The following PCNX2 variants were observed in gnomAD, a reference collection of about 807,000 sequenced individuals.
PCNX2 encodes pecanex-like protein 2.
In PCNX2, 168 loss-of-function variants were observed where a neutral mutation model predicts 223.8. That is an observed-to-expected ratio of 0.75 (90% CI 0.66 to 0.85). The LOEUF (loss-of-function observed/expected upper bound fraction) is 0.85. Among genes scored for constraint, PCNX2 ranks in the 40% least tolerant of loss-of-function variants. The pLI is 0.00. For missense variants in PCNX2, 2,507 were observed against 2,675.5 expected, an observed-to-expected ratio of 0.94 and a Z score of 1.39; for synonymous variants, 1,006 against 1,052.6, an observed-to-expected ratio of 0.96 and a Z score of 0.86.
At chr1:233,246,964 C>A (rs1002985147) in intron 8 of PCNX2, among the ~76,000 whole-genome samples, 4 of 152,194 alleles carry the variant, frequency 2.6e-5, no homozygotes, top group Non-Finnish European at 1.5e-5. Context: ...TGGGCTTCTG[C>A]AAAAGACAAA....
rs967255591 is a variant in PCNX2 at position 233,126,504 on chromosome 1, T to G, written c.3837+8509A>C. 1.4e-5 allele frequency among the ~76,000 whole-genome samples: 2 copies of G among 143,476 alleles called. No homozygotes were observed. The highest frequency in any genetic ancestry group is 3.1e-5 in the Non-Finnish European group (2 of 65,298). The allele number at this position is 143,476 out of a possible 152,430, so 94.1% of individuals were successfully genotyped here. A position where few individuals can be genotyped will look rare whatever the true frequency, so the allele number is the denominator to read the frequency against. On this transcript the variant is annotated intron_variant, in intron 21 of 33. Coordinates refer to ENST00000258229, the MANE Select transcript of PCNX2 (RefSeq NM_014801.4). This position sits in a 1 kb window ranked among gnomAD's most constrained non-coding sequence, Gnocchi z 4.8. ...CTATTGATATTTTAAATTTGTGTGG[T>G]GTGTGTGTGTGTTTGTGTGTGTGTG...
intron 19 of PCNX2, among the ~76,000 whole-genome samples, chr1:233,149,001 G>T (rs541118107): frequency 6.6e-6 from 1 of 152,190 alleles, no homozygotes; most frequent in Non-Finnish European, 1.5e-5. Flanking sequence ...GCAGCAGCAC[G>T]GCAAATGTGC....
In PCNX2 at chr1:233,252,698, C is replaced by A. The variant is rs1483514287; in HGVS notation, c.1925G>T (p.Ser642Ile). 6.2e-7 allele frequency: 1 copy of A among 1,613,920 alleles called. No homozygotes were observed. Among genetic ancestry groups the A allele is most frequent in the Admixed American group, 1.7e-5 (1 of 60,014 alleles). ...GGGGCCGGTGCTAGTATGGTCTTGACTTTGCAAATCTGGTTTTCCTTGCTT... is the reference window on the plus strand; with the variant it reads ...GGGGCCGGTGCTAGTATGGTCTTGAATTTGCAAATCTGGTTTTCCTTGCTT... ...SSKQGKPDLQ[S>I]QDHTSTGPAC... The change falls in exon 6 of 34, where the codon AGT becomes ATT. Residue 642 changes from serine to isoleucine, a missense_variant. Transcript: ENST00000258229.
intron 1 of PCNX2, among the ~76,000 whole-genome samples, chr1:233,263,438 G>A (rs368612388): frequency 4.0e-5 from 6 of 149,036 alleles, no homozygotes; most frequent in Middle Eastern, 3.5e-3. Context: ...AGATATATTC[G>A]AGGAAACCTC....
intron 23 of PCNX2, among the ~76,000 whole-genome samples, chr1:233,069,477 C>CAATCTT (rs2102900401): frequency 1.3e-5 from 2 of 152,210 alleles, no homozygotes; most frequent in South Asian, 4.2e-4. Flanking sequence ...ATGATCTCCA[C>CAATCTT]AAATTCTTAA....
chr1:233,296,168 A>G (rs1662110660), upstream of PCNX2, among the ~76,000 whole-genome samples: 1 of 151,990 alleles, frequency 6.6e-6, no homozygotes, highest in Non-Finnish European at 1.5e-5. Context: ...CCTGTCACAC[A>G]GCACTCAAAG....
intron 15 of PCNX2, among the ~76,000 whole-genome samples, chr1:233,188,507 G>A (rs1572043661): frequency 1.3e-5 from 2 of 151,990 alleles, no homozygotes; most frequent in African/African-American, 4.8e-5. Context: ...TCCCTTTTTA[G>A]GTCAGACCCA....
At chr1:233,156,043 C>G (rs537936578) in intron 19 of PCNX2, among the ~76,000 whole-genome samples, 2 of 152,320 alleles carry the variant, frequency 1.3e-5, no homozygotes, top group African/African-American at 4.8e-5. Context: ...CCATGACCAT[C>G]ATGATTCATC....
chr1:233,078,929 C>T (rs6424277), intron 23 of PCNX2, among the ~76,000 whole-genome samples: 58,292 of 152,008 alleles, frequency 0.38, 12,948 homozygotes, highest in African/African-American at 0.61. Flanking sequence ...GCAAGAGTTT[C>T]TTCATCCGTC....
chr1:233,131,025 G>A (rs144446288), intron 21 of PCNX2, among the ~76,000 whole-genome samples: 42 of 152,270 alleles, frequency 2.8e-4, no homozygotes, highest in Admixed American at 4.6e-4. Context: ...AAGGATTAGA[G>A]GCAACCAACT....
chr1:232,998,496 A>T, intron 31 of PCNX2, 58 bp from the exon 32 acceptor site: 2 of 1,559,426 alleles, frequency 1.3e-6, no homozygotes, highest in Non-Finnish European at 8.7e-7. Context: ...ATCCCCCTAA[A>T]TGCACCACCA....
intron 19 of PCNX2, among the ~76,000 whole-genome samples, chr1:233,159,201 A>G (rs1678314976): frequency 6.6e-6 from 1 of 152,138 alleles, no homozygotes; most frequent in Admixed American, 6.5e-5. Context: ...TCTCCACTGA[A>G]CAAGCCAGTT....
rs769099466 is a variant in PCNX2 at position 233,252,509 on chromosome 1, T to C, written c.1983-10A>G. On this transcript the variant is annotated splice_polypyrimidine_tract_variant and intron_variant, in intron 6 of 33. Transcript: ENST00000258229. ...TCTATTGCCCTGAAAACTTAACACA[T>C]ATAAAAGTTTCAAAAAAAATGATTA... 2.5e-5 allele frequency: 40 copies of C among 1,590,472 alleles called. No homozygotes were observed. The Middle Eastern group carries it at 4.7e-3, about 187-fold the overall frequency.
At chr1:233,071,071 C>G (rs996016963) in intron 23 of PCNX2, among the ~76,000 whole-genome samples, 11 of 152,130 alleles carry the variant, frequency 7.2e-5, no homozygotes, top group African/African-American at 2.7e-4. Flanking sequence ...TGAAAACCTA[C>G]AGCAACACTG....
At chr1:233,023,067 C>T (rs565028617) in intron 26 of PCNX2, among the ~76,000 whole-genome samples, 1 of 152,248 alleles carries the variant, frequency 6.6e-6, no homozygotes, top group East Asian at 1.9e-4. Flanking sequence ...CTGTCTAGAC[C>T]CACACTGCTG....
In PCNX2 at chr1:233,054,472, T is replaced by C. The variant is rs371045105; in HGVS notation, c.4147A>G (p.Asn1383Asp). ...TCATAAAAAATGGAATTGAGATTGT[T>C]GTCATCATTCCCTAAAGGCAGACAA... ...QIERDPGNDD[N>D]NLNSIFYEHL... The change falls in exon 25 of 34, where the codon AAC (asparagine) becomes GAC (aspartate). Residue 1383 changes from asparagine to aspartate, a missense_variant. By Grantham distance (23) the Asn-to-Asp change is conservative (BLOSUM62 1). Around this residue, in one of 3 missense-constraint regions of PCNX2, gnomAD observed 1,372 missense variants for 1,509.4 expected, o/e 0.91. Transcript: ENST00000258229. 4.4e-5 allele frequency: 71 copies of C among 1,612,500 alleles called. No individual in the cohort carries two copies. Among genetic ancestry groups the C allele is most frequent in the Non-Finnish European group, 5.8e-5 (68 of 1,178,860 alleles).
intron 13 of PCNX2, among the ~76,000 whole-genome samples, chr1:233,203,314 GT>G: frequency 6.6e-6 from 1 of 152,314 alleles, no homozygotes; most frequent in African/African-American, 2.4e-5. Flanking sequence ...TCACTCAGAG[GT>G]TTTTGCTCAA....
At chr1:233,214,487 G>A (rs921830539) in intron 12 of PCNX2, among the ~76,000 whole-genome samples, 2 of 152,110 alleles carry the variant, frequency 1.3e-5, no homozygotes, top group African/African-American at 2.4e-5. Context: ...GCAGATTACC[G>A]GGTGCTGTCC....
Position 233,252,786 on chromosome 1 carries a change from T to A in PCNX2, c.1837A>T (p.Asn613Tyr). The change falls in exon 6 of 34, where the codon AAC (asparagine) becomes TAC (tyrosine). Residue 613 changes from asparagine (N) to tyrosine (Y), a missense_variant and splice_region_variant. Around this residue, in one of 3 missense-constraint regions of PCNX2, gnomAD observed 1,031 missense variants for 1,021.7 expected, o/e 1.01. Transcript: ENST00000258229. ...TCCTCCTTTTTTTCCTGGGAACAGT[T>A]ATCTGAAAAACATTGCTTTACTTGT... is the stretch of plus-strand genomic sequence containing the variant. ...QNEESGLLRD[N>Y]CSQEKKEEIL... 1 of 1,604,586 alleles carries A rather than the reference T, an allele frequency of 6.2e-7. No homozygotes were observed. The highest frequency in any genetic ancestry group is 1.1e-5 in the South Asian group (1 of 88,900).
Sources: allele counts gnomAD v4.1 joint callset (sites outside exome capture counted in the v4.1 genomes callset), GRCh38; gene constraint gnomAD v4.1.1; regional missense constraint gnomAD v4.1.1; non-coding constraint Gnocchi (gnomAD v3.1); transcripts MANE v1.5; gene names NCBI Gene and HGNC (gene_info 2026-07-23, HGNC 2026-07-21).